The following INSL6 variants were observed in gnomAD, a reference collection of about 807,000 sequenced individuals.
The protein encoded by INSL6 is insulin like 6, also known as insulin-like peptide INSL6.
A neutral mutation model predicts 9.4 loss-of-function variants in INSL6; 16 were observed. The ratio of observed to expected loss-of-function variants is 1.70; its 90% confidence interval spans 1.15 to 2.59. The LOEUF is 2.59. Ranked by LOEUF, INSL6 falls within the 30% of genes most tolerant of loss-of-function variation. The pLI is 0.00. For synonymous variants in INSL6, 154 were observed against 96.9 expected, an observed-to-expected ratio of 1.59 and a Z score of -3.46; for missense variants, 391 against 257.3, an observed-to-expected ratio of 1.52 and a Z score of -3.56.
At chr9:5,025,833 TA>T in the INSL6 span, among the ~76,000 whole-genome samples, 1 of 152,230 alleles carries the variant, frequency 6.6e-6, no homozygotes, top group Non-Finnish European at 1.5e-5. Flanking sequence ...TCTATTTCTT[TA>T]ATGGTTATAG....
chr9:5,014,058 G>C, the INSL6 span, among the ~76,000 whole-genome samples: 1 of 151,748 alleles, frequency 6.6e-6, no homozygotes, highest in Non-Finnish European at 1.5e-5. Context: ...TAGTATATGA[G>C]TAAAGTTTGA....
chr9:5,174,081 G>A (rs1825245224), intron 1 of INSL6, among the ~76,000 whole-genome samples: 1 of 151,940 alleles, frequency 6.6e-6, no homozygotes, highest in Admixed American at 6.6e-5. Context: ...CTCTCCTCTT[G>A]CCTACCCTAG....
chr9:5,072,397 A>G, the INSL6 span: 2 of 880,896 alleles, frequency 2.3e-6, no homozygotes, highest in Non-Finnish European at 3.3e-6. Flanking sequence ...TTGCTTATGG[A>G]TTTAAAAAAA....
chr9:4,994,348 T>C, the INSL6 span, among the ~76,000 whole-genome samples: 3 of 152,182 alleles, frequency 2.0e-5, no homozygotes, highest in South Asian at 4.1e-4. Context: ...CTGGTTCTTA[T>C]CAGAATTACC....
chr9:5,063,331 C>T, the INSL6 span, among the ~76,000 whole-genome samples: 35 of 152,286 alleles, frequency 2.3e-4, no homozygotes, highest in African/African-American at 7.9e-4. Context: ...CATAATCAAA[C>T]CTGTCATATA....
At chr9:5,078,811 AT>A in the INSL6 span, among the ~76,000 whole-genome samples, 3 of 151,990 alleles carry the variant, frequency 2.0e-5, no homozygotes, top group Non-Finnish European at 4.4e-5. Flanking sequence ...AGATTTTAGG[AT>A]TTTTTTCTAT....
the INSL6 span, among the ~76,000 whole-genome samples, chr9:5,025,401 A>C: frequency 6.6e-6 from 1 of 152,228 alleles, no homozygotes; most frequent in East Asian, 1.9e-4. Flanking sequence ...CTCAAATATA[A>C]ATCTTGTCTG....
At chr9:5,091,549 T>C in the INSL6 span, 6 of 152,254 alleles carry the variant, frequency 3.9e-5, no homozygotes, top group Non-Finnish European at 8.8e-5. Context: ...GGTTGGTGGT[T>C]GCTGGTTGAT....
chr9:5,119,874 AAAAT>A (rs1314128399), downstream of INSL6, among the ~76,000 whole-genome samples: 3 of 152,242 alleles, frequency 2.0e-5, no homozygotes, highest in Admixed American at 6.5e-5. Flanking sequence ...TTGCAAGTAG[AAAAT>A]AAATATTTTA....
the INSL6 span, among the ~76,000 whole-genome samples, chr9:5,011,206 C>G: frequency 1.3e-5 from 2 of 151,642 alleles, no homozygotes; most frequent in African/African-American, 4.9e-5. Context: ...CTCTGTTCCA[C>G]TTATATGTAT....
chr9:5,101,179 A>G, the INSL6 span, among the ~76,000 whole-genome samples: 2 of 152,208 alleles, frequency 1.3e-5, no homozygotes, highest in South Asian at 2.1e-4. Flanking sequence ...CTTTTGCCCA[A>G]ATACTGTGCT....
At chr9:5,041,998 GCCCAC>G in the INSL6 span, 1 of 354,292 alleles carries the variant, frequency 2.8e-6, no homozygotes, top group Non-Finnish European at 5.5e-6. Context: ...GGGCCTTGGG[GCCCAC>G]CCACAGCGGC....
At chr9:5,111,200 G>C in the INSL6 span, 1 of 643,452 alleles carries the variant, frequency 1.6e-6, no homozygotes, top group Non-Finnish European at 2.8e-6. Context: ...CTGGGACCGG[G>C]ACTCGGAGGC....
the INSL6 span, among the ~76,000 whole-genome samples, chr9:5,027,512 G>A: frequency 2.6e-5 from 4 of 152,192 alleles, no homozygotes; most frequent in African/African-American, 9.6e-5. Context: ...GGCTGCTGAA[G>A]GTTGGGTGGC....
At chr9:5,043,671 T>C in the INSL6 span, among the ~76,000 whole-genome samples, 3 of 152,094 alleles carry the variant, frequency 2.0e-5, no homozygotes, top group Admixed American at 1.3e-4. Context: ...TTATTCACAA[T>C]AGAAAAATAA....
the INSL6 span, among the ~76,000 whole-genome samples, chr9:5,073,485 T>G: frequency 2.0e-5 from 3 of 152,160 alleles, no homozygotes; most frequent in South Asian, 6.2e-4. Flanking sequence ...CTCTCTCACT[T>G]TGATCTCCAT....
At chr9:5,101,133 G>T in the INSL6 span, 1 of 152,260 alleles carries the variant, frequency 6.6e-6, no homozygotes, top group Non-Finnish European at 1.5e-5. Flanking sequence ...CCAGCCAAGG[G>T]AAGCCATGAC....
the INSL6 span, chr9:5,041,970 G>A: frequency 2.7e-6 from 1 of 372,954 alleles, no homozygotes; most frequent in Non-Finnish European, 5.2e-6. Context: ...CGGCCCCTTG[G>A]GGAGCGAGCT....
In INSL6 at chr9:5,163,996, C is replaced by T. The variant is rs748253897; in HGVS notation, c.559G>A (p.Glu187Lys). The change falls in exon 2 of 2, where the codon GAA (glutamate) becomes AAA (lysine). Residue 187 changes from glutamate to lysine, a missense_variant. Glu to Lys is a moderately conservative substitution (Grantham distance 56). Transcript: ENST00000381641. ...TATGGAAGACATGCAATGCTAAGTTCTTCTTTTGTACATCCTGTAAGACAA... is the reference window on the plus strand; with the variant it reads ...TATGGAAGACATGCAATGCTAAGTTTTTCTTTTGTACATCCTGTAAGACAA... ...KCCLTGCTKEELSIACLPYID... is the reference protein window; with the variant it reads ...KCCLTGCTKEKLSIACLPYID... 6.2e-7 allele frequency: 1 copy of T among 1,612,966 alleles called. No individual in the cohort carries two copies. Among genetic ancestry groups the T allele is most frequent in the Non-Finnish European group, 8.5e-7 (1 of 1,179,728 alleles).
Sources: allele counts gnomAD v4.1 joint callset (sites outside exome capture counted in the v4.1 genomes callset), GRCh38; gene constraint gnomAD v4.1.1; transcripts MANE v1.5; gene names NCBI Gene and HGNC (gene_info 2026-07-23, HGNC 2026-07-21).